Variants in TRHDE observed in about 807,000 individuals in gnomAD.
TRHDE encodes the protein thyrotropin-releasing hormone-degrading ectoenzyme.
TRHDE carries 72 observed loss-of-function variants against 125.7 expected under a neutral mutation model. That is an observed-to-expected ratio of 0.57 (90% CI 0.47 to 0.70). The LOEUF (loss-of-function observed/expected upper bound fraction) is 0.70, where lower values mean the gene tolerates loss of function less well. TRHDE is among the 30% of genes least tolerant of loss of function. The pLI is 0.00. For synonymous variants in TRHDE, 509 were observed against 509.1 expected (o/e 1.00, Z 0.00); for missense variants, 1,110 against 1,327.1 (o/e 0.84, Z 2.54).
chr12:72,427,919 C>T (rs748275283), intron 3 of TRHDE, among the ~76,000 whole-genome samples: 27 of 152,104 alleles, frequency 1.8e-4, no homozygotes, highest in Admixed American at 7.2e-4. Context: ...ACTTGGACAA[C>T]GTGAGGAAAA....
At chr12:72,358,962 C>T (rs1379843373) in intron 2 of TRHDE, among the ~76,000 whole-genome samples, 1 of 151,310 alleles carries the variant, frequency 6.6e-6, no homozygotes, top group East Asian at 1.9e-4. Flanking sequence ...ACCACTGCCC[C>T]CTCCACAAAA....
At chr12:72,203,975 T>C (rs556865333) in intron 2 of TRHDE, among the ~76,000 whole-genome samples, 3 of 152,236 alleles carry the variant, frequency 2.0e-5, no homozygotes, top group African/African-American at 4.8e-5. Flanking sequence ...TTTGAGGATC[T>C]CCATATTACT....
intron 6 of TRHDE, among the ~76,000 whole-genome samples, chr12:72,527,491 A>C (rs1245457232): frequency 6.6e-6 from 1 of 152,024 alleles, no homozygotes; most frequent in African/African-American, 2.4e-5. Flanking sequence ...TTCAGGGACC[A>C]GAAGAAATGG....
At position 72,263,721 on chromosome 12, in the gene TRHDE, T is replaced by C. The variant is rs376607078; in HGVS notation, n.280-114274T>C. ...GAGTTAAATTCTAGGGTTTCTGCAG[T>C]CTTACTCATGGTATTTGACTGCCTT... On this transcript the variant is annotated intron_variant and non_coding_transcript_variant, in intron 2 of 4. Transcript: ENST00000548156. 11 of 152,192 alleles carry C rather than the reference T, an allele frequency of 7.2e-5. 1 individual carries two copies. Among genetic ancestry groups the C allele is most frequent in the African/African-American group, 2.6e-4 (11 of 41,570 alleles). 9.4% of individuals were successfully genotyped at this position (152,192 alleles called of 1,614,324 possible).
intron 1 of TRHDE, among the ~76,000 whole-genome samples, chr12:72,095,894 C>T (rs1874904674): frequency 6.6e-6 from 1 of 152,120 alleles, no homozygotes. Flanking sequence ...TTGAGTAAAG[C>T]AGATTGCCCT....
intron 2 of TRHDE, among the ~76,000 whole-genome samples, chr12:72,194,118 A>C (rs1273098185): frequency 6.6e-6 from 1 of 152,152 alleles, no homozygotes; most frequent in African/African-American, 2.4e-5. Flanking sequence ...TTTTCTAGCC[A>C]TACATGTGAT....
chr12:72,116,329 A>G (rs1282204953), intron 2 of TRHDE, among the ~76,000 whole-genome samples: 1 of 152,204 alleles, frequency 6.6e-6, no homozygotes, highest in African/African-American at 2.4e-5. Flanking sequence ...ATATGTGTGC[A>G]TGTGTCTTTA....
intron 2 of TRHDE, among the ~76,000 whole-genome samples, chr12:72,351,787 C>T (rs1250727117): frequency 2.0e-5 from 3 of 151,904 alleles, no homozygotes; most frequent in African/African-American, 7.2e-5. Flanking sequence ...TTAAGATAGA[C>T]ATATAGCTAG....
At position 72,593,760 on chromosome 12, in the gene TRHDE, G is replaced by A. The variant is rs752801514; in HGVS notation, c.2321+18218G>A. Among the ~76,000 whole-genome samples, 10 of 152,104 alleles carry A rather than the reference G, an allele frequency of 6.6e-5. 1 individual carries two copies. The highest frequency in any genetic ancestry group is 3.9e-4 in the Admixed American group (6 of 15,284). On this transcript the variant is annotated intron_variant, in intron 12 of 18. Transcript: ENST00000261180. ...AATTCCCACCTATAAGTGAGAACACGCAGTGTTTGGTTTTCTGTCCTTGCG... is the reference window on the plus strand; with the variant it reads ...AATTCCCACCTATAAGTGAGAACACACAGTGTTTGGTTTTCTGTCCTTGCG...
At chr12:72,177,961 T>G (rs982402923) in intron 2 of TRHDE, among the ~76,000 whole-genome samples, 2 of 152,164 alleles carry the variant, frequency 1.3e-5, no homozygotes, top group Non-Finnish European at 2.9e-5. Context: ...TTTTGAGAGA[T>G]AAGTCTGGGG....
chr12:72,432,378 T>G (rs1874529623), intron 3 of TRHDE, among the ~76,000 whole-genome samples: 1 of 152,144 alleles, frequency 6.6e-6, no homozygotes, highest in South Asian at 2.1e-4. Flanking sequence ...ATTGTTCCCC[T>G]TTCAGGCAGT....
chr12:72,611,870 G>A (rs140353714), intron 12 of TRHDE, among the ~76,000 whole-genome samples: 4 of 152,254 alleles, frequency 2.6e-5, no homozygotes, highest in Non-Finnish European at 5.9e-5. Flanking sequence ...CAGTATAAAG[G>A]CAACCTTAAG....
chr12:72,402,333 C>T (rs1873078559), intron 3 of TRHDE, among the ~76,000 whole-genome samples: 1 of 152,040 alleles, frequency 6.6e-6, no homozygotes, highest in African/African-American at 2.4e-5. Flanking sequence ...TTGTGTTGGG[C>T]CACATTCAAA....
intron 3 of TRHDE, among the ~76,000 whole-genome samples, chr12:72,433,688 TA>T (rs1225354473): frequency 1.3e-5 from 2 of 149,810 alleles, no homozygotes; most frequent in Non-Finnish European, 3.0e-5. Context: ...ATGAAAATTA[TA>T]AAAACAGCAA....
At chr12:72,365,337 T>C (rs1459208075) in intron 2 of TRHDE, among the ~76,000 whole-genome samples, 1 of 152,022 alleles carries the variant, frequency 6.6e-6, no homozygotes, top group African/African-American at 2.4e-5. Flanking sequence ...CTTTGGAATA[T>C]ATATGATTCA....
intron 2 of TRHDE, among the ~76,000 whole-genome samples, chr12:72,122,503 T>G (rs1035331807): frequency 6.6e-6 from 1 of 152,258 alleles, no homozygotes; most frequent in Non-Finnish European, 1.5e-5. Flanking sequence ...TTTCCTGTAG[T>G]AGAATGTCAT....
intron 3 of TRHDE, among the ~76,000 whole-genome samples, chr12:72,394,322 T>C (rs1872712140): frequency 6.6e-6 from 1 of 152,146 alleles, no homozygotes; most frequent in Non-Finnish European, 1.5e-5. Flanking sequence ...ATTTCTGCCA[T>C]GAATTGCACA....
At position 72,577,146 on chromosome 12, in the gene TRHDE, G is replaced by T. The variant is rs571657321; in HGVS notation, c.2321+1604G>T. 9.2e-5 allele frequency among the ~76,000 whole-genome samples: 14 copies of T among 152,252 alleles called. No homozygotes were observed. The East Asian group carries it at 2.5e-3, about 27-fold the overall frequency. On this transcript the variant is annotated intron_variant, in intron 12 of 18. Transcript: ENST00000261180. ...AAGCCAGAAGGATAATGTATTTAAT[G>T]TGATAATGTACTGAAAGAGAAGCAG...
At chr12:72,479,489 A>C (rs1877056925) in intron 5 of TRHDE, among the ~76,000 whole-genome samples, 1 of 152,206 alleles carries the variant, frequency 6.6e-6, no homozygotes, top group African/African-American at 2.4e-5. Context: ...ATTCGTGTAT[A>C]TTCACTGTAT....
Sources: allele counts gnomAD v4.1 joint callset (sites outside exome capture counted in the v4.1 genomes callset), GRCh38; gene constraint gnomAD v4.1.1; transcripts MANE v1.5; gene names NCBI Gene and HGNC (gene_info 2026-07-23, HGNC 2026-07-21).